GRIK1: variants seen among roughly 807,000 people sequenced by gnomAD.
GRIK1 encodes glutamate ionotropic receptor kainate type subunit 1, also known as glutamate receptor ionotropic, kainate 1.
A neutral mutation model predicts 105.7 loss-of-function variants in GRIK1; 69 were observed. The ratio of observed to expected loss-of-function variants is 0.65; its 90% CI spans 0.54 to 0.80. GRIK1 has a LOEUF of 0.80. GRIK1 is among the 30% of genes least tolerant of loss of function. The probability of loss-of-function intolerance (pLI) is 0.00; values close to 1 mark genes in which losing one functional copy is unlikely to be tolerated. For synonymous variants in GRIK1, 438 were observed against 431.3 expected (o/e 1.02, Z -0.19); for missense variants, 1,109 against 1,167.3 (o/e 0.95, Z 0.73).
At chr21:29,843,174 A>G (rs796791846) in intron 1 of GRIK1, among the ~76,000 whole-genome samples, 26 of 152,200 alleles carry the variant, frequency 1.7e-4, no homozygotes, top group African/African-American at 5.8e-4. Flanking sequence ...TATTTTAAAA[A>G]CTTGTTGGAT....
At chr21:29,865,596 C>T (rs565071634) in intron 1 of GRIK1, among the ~76,000 whole-genome samples, 4 of 152,264 alleles carry the variant, frequency 2.6e-5, no homozygotes, top group Non-Finnish European at 5.9e-5. Context: ...CACTGGGAAC[C>T]TCAAACATCA....
At chr21:29,827,877 A>C (rs943702502) in intron 1 of GRIK1, among the ~76,000 whole-genome samples, 2 of 151,918 alleles carry the variant, frequency 1.3e-5, no homozygotes, top group African/African-American at 4.8e-5. Context: ...GCCAGTGGTT[A>C]CTTGTGTGGC....
At chr21:29,906,327 A>G (rs915675369) in intron 1 of GRIK1, among the ~76,000 whole-genome samples, 2 of 152,224 alleles carry the variant, frequency 1.3e-5, no homozygotes, top group East Asian at 1.9e-4. Context: ...ACCTTTACAG[A>G]TCCAGTTAAA....
At chr21:29,839,928 T>C (rs892218703) in intron 1 of GRIK1, among the ~76,000 whole-genome samples, 3 of 152,168 alleles carry the variant, frequency 2.0e-5, no homozygotes, top group Admixed American at 6.5e-5. Flanking sequence ...GACTATTCTA[T>C]ACAGTTTCAA....
intron 7 of GRIK1, 62 bp from the exon 8 acceptor site, chr21:29,598,999 C>G (rs2061468872): frequency 1.3e-6 from 1 of 753,694 alleles, no homozygotes; most frequent in Non-Finnish European, 2.3e-6. Flanking sequence ...CTGAGACCAT[C>G]AAAATTATAA....
intron 1 of GRIK1, among the ~76,000 whole-genome samples, chr21:29,812,026 C>A (rs2067023730): frequency 6.6e-6 from 1 of 152,172 alleles, no homozygotes; most frequent in South Asian, 2.1e-4. Flanking sequence ...CCAAGTCATT[C>A]TTTACCTCTC....
rs118067612 is a variant in GRIK1, at chr21:29,545,993, A to G, written c.2608-8109T>C. ...TCCCTTCTCTCTTCTCTTCTTTCCA[A>G]GGGTCAGCTGGGATAAGGAGAAGTG... On this transcript the variant is annotated intron_variant, in intron 16 of 17. Transcript: ENST00000327783. Among the ~76,000 whole-genome samples the G allele has an allele frequency of 5.6e-3, 860 of 152,248 alleles. 5 individuals are homozygous for G. Among genetic ancestry groups the G allele is most frequent in the Admixed American group, 0.01 (154 of 15,288 alleles).
chr21:29,936,613 G>A (rs527637566), intron 1 of GRIK1, among the ~76,000 whole-genome samples: 4 of 152,280 alleles, frequency 2.6e-5, no homozygotes, highest in African/African-American at 7.2e-5. Flanking sequence ...CAGTAATAAT[G>A]TTAAGGGCAC....
chr21:29,790,188 T>C (rs547190394), intron 1 of GRIK1, among the ~76,000 whole-genome samples: 2 of 152,276 alleles, frequency 1.3e-5, no homozygotes, highest in Middle Eastern at 6.8e-3. Flanking sequence ...TAGCTGGGAC[T>C]ACAGGCATGC....
chr21:29,744,560 A>C lies in GRIK1; in HGVS notation c.119-50497T>G, dbSNP rs533522094. On this transcript the variant is annotated intron_variant, in intron 1 of 17. Coordinates refer to ENST00000327783, the MANE Select transcript of GRIK1 (RefSeq NM_001330994.2). ...CTGGCACTACTGCTCTCTCTCAGCT[A>C]GGTTTTTTTTTTTTTTTCCTCCCTG... Among the ~76,000 whole-genome samples the C allele has an allele frequency of 7.5e-5, 11 of 147,272 alleles. No individual in the cohort carries two copies. The South Asian group carries it at 2.3e-3, about 31-fold the overall frequency.
intron 3 of GRIK1, among the ~76,000 whole-genome samples, chr21:29,682,737 C>T (rs2063404122): frequency 6.6e-6 from 1 of 152,118 alleles, no homozygotes; most frequent in Admixed American, 6.5e-5. Context: ...GAAGTCATGA[C>T]TAAGTTCTCA....
intron 1 of GRIK1, among the ~76,000 whole-genome samples, chr21:29,765,549 C>T (rs2065639704): frequency 6.6e-6 from 1 of 151,996 alleles, no homozygotes; most frequent in Admixed American, 6.6e-5. Context: ...CTTTCTAGCC[C>T]TAAATTGGCT....
At position 29,939,715 on chromosome 21, in the gene GRIK1, T is replaced by C. The variant is rs1480855430; in HGVS notation, c.-215A>G. Reference sequence around the variant, plus strand: ...TCTCGGGGCTCCTCAGTGCTGTCGCTAGCCCATCACGGCTCCTCCTCCTCC... The same window carrying C: ...TCTCGGGGCTCCTCAGTGCTGTCGCCAGCCCATCACGGCTCCTCCTCCTCC... On this transcript the variant is annotated 5_prime_UTR_variant, in exon 1 of 18. It removes the in-frame stop codon of an upstream open reading frame in the 5' UTR. Transcript: ENST00000327783. 2.3e-6 allele frequency: 1 copy of C among 437,610 alleles called. No individual in the cohort carries two copies. The allele number at this position is 437,610 out of a possible 1,614,324, so 27.1% of individuals were successfully genotyped here.
intron 1 of GRIK1, among the ~76,000 whole-genome samples, chr21:29,704,497 G>A (rs918638617): frequency 1.3e-5 from 2 of 152,160 alleles, no homozygotes; most frequent in Non-Finnish European, 2.9e-5. Flanking sequence ...CAGGACAGAT[G>A]TTTATTGAAA....
At chr21:29,806,309 G>A (rs2256853) in intron 1 of GRIK1, among the ~76,000 whole-genome samples, 66,616 of 151,492 alleles carry the variant, frequency 0.44, 15,413 homozygotes, top group Middle Eastern at 0.55. Flanking sequence ...AAAAACCAGC[G>A]AATCAGTCAG....
intron 1 of GRIK1, among the ~76,000 whole-genome samples, chr21:29,933,544 GA>G (rs2071644836): frequency 6.6e-6 from 1 of 152,106 alleles, no homozygotes; most frequent in African/African-American, 2.4e-5. Context: ...CTTCAAGTAA[GA>G]ACATTTCCCC....
At chr21:29,828,660 C>A (rs1450496012) in intron 1 of GRIK1, among the ~76,000 whole-genome samples, 2 of 151,972 alleles carry the variant, frequency 1.3e-5, no homozygotes, top group Non-Finnish European at 2.9e-5. Context: ...CACTACCACA[C>A]CCAGCTAATT....
At chr21:29,639,752 C>A (rs79889750) in intron 7 of GRIK1, among the ~76,000 whole-genome samples, 152 of 152,280 alleles carry the variant, frequency 1.0e-3, no homozygotes, top group East Asian at 8.3e-3. Flanking sequence ...AGGGTGTTAT[C>A]CCTTAAGATG....
At chr21:29,820,699 C>T (rs2067276669) in intron 1 of GRIK1, among the ~76,000 whole-genome samples, 1 of 151,840 alleles carries the variant, frequency 6.6e-6, no homozygotes, top group African/African-American at 2.4e-5. Flanking sequence ...TTAAAGCCAT[C>T]CTCATTTTTG....
Sources: gnomAD v4.1 joint callset for allele counts (sites outside exome capture counted in the v4.1 genomes callset) on GRCh38, gnomAD v4.1.1 for gene constraint, MANE v1.5 for transcripts, NCBI Gene and HGNC (gene_info 2026-07-23, HGNC 2026-07-21) for gene names.